The following SCART1 variants were observed in gnomAD, a reference collection of about 807,000 sequenced individuals.
SCART1 encodes the protein scavenger receptor cysteine-rich domain-containing protein SCART1.
Under a neutral mutation model 36.2 loss-of-function variants are expected in SCART1, and 62 were observed. The ratio of observed to expected loss-of-function variants is 1.71; its 90% CI spans 1.40 to 2.12. The LOEUF is 2.12. SCART1 is among the 30% of genes most tolerant of loss of function. The pLI, the probability that SCART1 is intolerant of heterozygous loss-of-function variation, is 0.00. For missense variants in SCART1, 1,041 were observed against 540.5 expected, an observed-to-expected ratio of 1.93 and a Z score of -9.18; for synonymous variants, 487 against 238.7, an observed-to-expected ratio of 2.04 and a Z score of -9.59.
intron 1 of SCART1, 53 bp from the exon 2 acceptor site, chr10:133,456,184 T>C (rs948597251): frequency 3.4e-5 from 23 of 668,118 alleles, no homozygotes; most frequent in African/African-American, 3.4e-4. Flanking sequence ...TGCCATCTCC[T>C]CCTGCGCCTC....
rs912537937 is a variant in SCART1, at chr10:133,465,808, A to G, written c.2659+243A>G. 7.2e-6 allele frequency: 5 copies of G among 695,550 alleles called. No homozygotes were observed. In the African/African-American group the frequency reaches 8.8e-5, roughly 12 times the overall value. 43.1% of individuals were successfully genotyped at this position (695,550 alleles called of 1,614,324 possible). ...CTTTTGTTTATTCCAATCCTTGTTC[A>G]TTTCGGGTATGTGTCACCTGGGTGT... On this transcript the variant is annotated intron_variant, in intron 9 of 11. Coordinates refer to ENST00000640237, the Ensembl canonical transcript of SCART1.
chr10:133,467,994 G>C lies in SCART1; in HGVS notation c.*26G>C, dbSNP rs1238479010. On this transcript the variant is annotated 3_prime_UTR_variant, in exon 12 of 12. Transcript: ENST00000640237. The stretch of plus-strand genomic sequence containing the variant: ...AGCAACCTGAGGATGAGATACACCA[G>C]CTGGCTGTCGAAATCACAGCTCTTC... The C allele has an allele frequency of 2.0e-5, 13 of 658,448 alleles. No homozygotes were observed. In the Admixed American group the frequency reaches 2.6e-4, roughly 13 times the overall value. 40.8% of individuals were successfully genotyped at this position (658,448 alleles called of 1,614,324 possible).
At chr10:133,469,452 A>G (rs1850795008), downstream of SCART1, among the ~76,000 whole-genome samples, 1 of 152,218 alleles carries the variant, frequency 6.6e-6, no homozygotes, top group South Asian at 2.1e-4. Flanking sequence ...AGGGACGTGG[A>G]TGAAGCTGGA....
rs1193329825 is a variant in SCART1 at position 133,459,299 on chromosome 10, G to T, written c.1258G>T (p.Gly420Ter). The change falls in exon 5 of 12, where the codon GGA becomes TGA. Residue 420 changes from glycine to a stop codon, truncating the protein, a stop_gained. Coordinates refer to ENST00000640237, the Ensembl canonical transcript of SCART1. LOFTEE classifies it high-confidence loss of function. ...CCTGGGGGCCCCGGCCTGTGCCCCG[G>T]GAAACACAGCCTCCGCGGTCTGCTC... 1.5e-6 allele frequency: 1 copy of T among 645,958 alleles called. No individual in the cohort carries two copies. The highest frequency in any genetic ancestry group is 2.8e-6 in the Non-Finnish European group (1 of 355,030). The allele number at this position is 645,958 out of a possible 1,614,324, so 40.0% of individuals were successfully genotyped here.
At chr10:133,469,606 T>A (rs1850796341), downstream of SCART1, among the ~76,000 whole-genome samples, 1 of 151,772 alleles carries the variant, frequency 6.6e-6, no homozygotes, top group Non-Finnish European at 1.5e-5. Context: ...GGTGGGGGGC[T>A]AGGGAAGGGA....
Position 133,465,263 on chromosome 10 carries a change from TGCGCGTGC to T in SCART1, c.2361_2368del (p.Val788GlyfsTer160), listed in dbSNP as rs1850749954. 2 of 691,244 alleles carry T rather than the reference TGCGCGTGC, an allele frequency of 2.9e-6. No individual in the cohort carries two copies. The highest frequency in any genetic ancestry group is 3.0e-5 in the South Asian group (2 of 66,608). 42.8% of individuals were successfully genotyped at this position (691,244 alleles called of 1,614,324 possible). ...GCCCCTTTTGCAGAGGAGGGCGCAC[TGCGCGTGC>T]GCGGGGGCGAGGACCGCTGCTCCGG... On this transcript the variant is annotated frameshift_variant, in exon 9 of 12. Transcript: ENST00000640237. LOFTEE classifies it high-confidence loss of function.
chr10:133,456,551 T>C (rs1261115329), exon 2 of SCART1: 1 of 657,772 alleles, frequency 1.5e-6, no homozygotes, highest in African/African-American at 1.8e-5. Flanking sequence ...CGCGCTGTGC[T>C]CCAGTAAGTA....
chr10:133,465,404 T>TCGCCGCCCTGGGGGCCGC (rs1182989894), exon 9 of SCART1: 59 of 604,372 alleles, frequency 9.8e-5, no homozygotes, highest in African/African-American at 1.8e-4. Flanking sequence ...GGTCGGGCCG[T>TCGCCGCCCTGGGGGCCGC]CGCCGCCCTG....
chr10:133,467,446 C>G, intron 11 of SCART1, 93 bp downstream of exon 11: 1 of 617,898 alleles, frequency 1.6e-6, no homozygotes. Context: ...ACCACAGGAG[C>G]CTGGCTTCAG....
At chr10:133,464,496 T>G in intron 6 of SCART1, 110 bp from the exon 7 acceptor site, 2 of 602,480 alleles carry the variant, frequency 3.3e-6, no homozygotes, top group South Asian at 3.9e-5. Flanking sequence ...CTATACTGTT[T>G]CTATAACTGA....
At chr10:133,461,094 C>G (rs1850696914) in intron 6 of SCART1, among the ~76,000 whole-genome samples, 1 of 151,892 alleles carries the variant, frequency 6.6e-6, no homozygotes, top group African/African-American at 2.4e-5. Flanking sequence ...TATTATTATT[C>G]ACACATACCT....
chr10:133,457,697 A>AT (rs1412878088), intron 3 of SCART1, 122 bp downstream of exon 3: 2 of 575,904 alleles, frequency 3.5e-6, no homozygotes, highest in Admixed American at 3.5e-5. Flanking sequence ...TGCATGAGAC[A>AT]TTGGGCGCAG....
chr10:133,464,585 C>T (rs1850740146), intron 6 of SCART1, 21 bp from the exon 7 acceptor site: 1 of 634,972 alleles, frequency 1.6e-6, no homozygotes, highest in African/African-American at 1.8e-5. Context: ...ACTCCCTGGC[C>T]TGACTGTGCT....
intron 6 of SCART1, among the ~76,000 whole-genome samples, chr10:133,462,343 A>G (rs1191845296): frequency 6.6e-6 from 1 of 152,242 alleles, no homozygotes; most frequent in Non-Finnish European, 1.5e-5. Flanking sequence ...TTAAAGAAGA[A>G]TTAGAACAGT....
chr10:133,459,994 G>A (rs1179640312), exon 6 of SCART1: 2 of 538,810 alleles, frequency 3.7e-6, no homozygotes, highest in African/African-American at 4.0e-5. Flanking sequence ...AGGCAGCTGG[G>A]CTGTGGCCGC....
intron 2 of SCART1, among the ~76,000 whole-genome samples, chr10:133,456,865 C>T (rs1850622486): frequency 6.6e-6 from 1 of 152,158 alleles, no homozygotes; most frequent in Non-Finnish European, 1.5e-5. Flanking sequence ...ACGCCTGAGG[C>T]CCACACAGGT....
At chr10:133,460,408 C>A (rs908117828) in intron 6 of SCART1, among the ~76,000 whole-genome samples, 5 of 150,636 alleles carry the variant, frequency 3.3e-5, no homozygotes, top group African/African-American at 1.2e-4. Flanking sequence ...CTGGGGCAGC[C>A]CCACCTGGGC....
At chr10:133,465,223 C>CCCGCAGTGA in intron 8 of SCART1, 28 bp from the exon 9 acceptor site, 1 of 701,476 alleles carries the variant, frequency 1.4e-6, no homozygotes. Context: ...CGGTCCAGCC[C>CCCGCAGTGA]CCGCAGTGAC....
chr10:133,456,805 G>A (rs1347676384), intron 2 of SCART1, among the ~76,000 whole-genome samples: 1 of 152,210 alleles, frequency 6.6e-6, no homozygotes, highest in Non-Finnish European at 1.5e-5. Context: ...GAAGCAGAGT[G>A]CGGCCCAGGC....
Sources: gnomAD v4.1 joint callset for allele counts (sites outside exome capture counted in the v4.1 genomes callset) on GRCh38, gnomAD v4.1.1 for gene constraint, MANE v1.5 for transcripts, NCBI Gene and HGNC (gene_info 2026-07-23, HGNC 2026-07-21) for gene names.